HVCN1: variants seen among roughly 807,000 people sequenced by gnomAD.
The protein encoded by HVCN1 is voltage-gated hydrogen channel 1.
Under a neutral mutation model 29.2 loss-of-function variants are expected in HVCN1, and 14 were observed. The ratio of observed to expected loss-of-function variants is 0.48; its 90% confidence interval spans 0.32 to 0.75. The LOEUF (loss-of-function observed/expected upper bound fraction) is 0.75. Ranked by LOEUF, HVCN1 falls within the 30% of genes least tolerant of loss-of-function variation. HVCN1 has a pLI of 0.04. For missense variants in HVCN1, 263 were observed against 341.8 expected (o/e 0.77, Z 1.82); for synonymous variants, 131 against 133.2 (o/e 0.98, Z 0.11).
intron 3 of HVCN1, among the ~76,000 whole-genome samples, chr12:110,680,750 C>T (rs761798860): frequency 6.6e-5 from 10 of 152,076 alleles, no homozygotes; most frequent in Non-Finnish European, 2.9e-5. Context: ...AACCCTGTCT[C>T]TACCAAAACT....
chr12:110,681,720 G>T (rs2068980737), intron 3 of HVCN1, among the ~76,000 whole-genome samples: 1 of 151,968 alleles, frequency 6.6e-6, no homozygotes, highest in African/African-American at 2.4e-5. Context: ...CTCAGACTCT[G>T]CCCCACTCAC....
At chr12:110,653,813 G>A (rs2067896741) in intron 5 of HVCN1, among the ~76,000 whole-genome samples, 1 of 152,196 alleles carries the variant, frequency 6.6e-6, no homozygotes, top group Non-Finnish European at 1.5e-5. Context: ...CTGCACTCCA[G>A]CCTGGGCGAT....
At chr12:110,690,140 T>C (rs1593546292), upstream of HVCN1, among the ~76,000 whole-genome samples, 1 of 152,196 alleles carries the variant, frequency 6.6e-6, no homozygotes, top group African/African-American at 2.4e-5. Context: ...GGCGCCAGGG[T>C]AGTGTGTTCC....
At chr12:110,691,148 C>T (rs1213862234), upstream of HVCN1, among the ~76,000 whole-genome samples, 2 of 151,120 alleles carry the variant, frequency 1.3e-5, no homozygotes, top group East Asian at 2.0e-4. Flanking sequence ...CTGCAAGCTC[C>T]GCCTCCCAGG....
intron 3 of HVCN1, among the ~76,000 whole-genome samples, chr12:110,673,524 G>C (rs1216341939): frequency 6.6e-6 from 1 of 152,166 alleles, no homozygotes; most frequent in Admixed American, 6.5e-5. Context: ...TAATCCCCAA[G>C]ACCTTGGGAA....
intron 3 of HVCN1, among the ~76,000 whole-genome samples, chr12:110,677,403 A>G (rs1184195798): frequency 6.6e-6 from 1 of 151,010 alleles, no homozygotes; most frequent in Non-Finnish European, 1.5e-5. Flanking sequence ...AGAATGTGCA[A>G]CCCCCTTTCA....
At chr12:110,690,890 G>C (rs2069391356), upstream of HVCN1, among the ~76,000 whole-genome samples, 1 of 151,930 alleles carries the variant, frequency 6.6e-6, no homozygotes, top group African/African-American at 2.4e-5. Context: ...GAGTAGCTGG[G>C]ATTACAGGTG....
chr12:110,701,412 A>G (rs973637168), intron 2 of HVCN1, among the ~76,000 whole-genome samples: 1 of 152,194 alleles, frequency 6.6e-6, no homozygotes, highest in African/African-American at 2.4e-5. Context: ...CCCAACTTCC[A>G]AATCAGAATC....
At chr12:110,697,841 G>C (rs1245115475) in intron 2 of HVCN1, among the ~76,000 whole-genome samples, 1 of 151,944 alleles carries the variant, frequency 6.6e-6, no homozygotes, top group Non-Finnish European at 1.5e-5. Context: ...TAGTAGAGAT[G>C]GGGTTTCACC....
At chr12:110,663,830 A>C (rs1192861810) in intron 3 of HVCN1, among the ~76,000 whole-genome samples, 1 of 151,718 alleles carries the variant, frequency 6.6e-6, no homozygotes, top group Non-Finnish European at 1.5e-5. Context: ...GGGATGCCAC[A>C]GTCTCCTGGT....
chr12:110,656,861 G>C (rs1438170782), intron 4 of HVCN1, among the ~76,000 whole-genome samples: 3 of 152,144 alleles, frequency 2.0e-5, no homozygotes, highest in Admixed American at 6.5e-5. Context: ...CTTAATAAAG[G>C]TGCAAGCCTC....
At chr12:110,664,020 C>A (rs2068265340) in intron 3 of HVCN1, among the ~76,000 whole-genome samples, 1 of 152,166 alleles carries the variant, frequency 6.6e-6, no homozygotes, top group Non-Finnish European at 1.5e-5. Context: ...TGTGCTCAAG[C>A]AATTCTCCTG....
intron 6 of HVCN1, 75 bp downstream of exon 6, chr12:110,651,142 A>C: frequency 8.5e-6 from 9 of 1,062,638 alleles, no homozygotes; most frequent in Non-Finnish European, 1.1e-5. Flanking sequence ...ACCCAGAGTG[A>C]CTGCGCAGTC....
rs764873661 is a variant in HVCN1 at position 110,649,442 on chromosome 12, G to A, written c.790C>T (p.Arg264Ter). 5.6e-6 allele frequency: 9 copies of A among 1,607,932 alleles called. No homozygotes were observed. The highest frequency in any genetic ancestry group is 5.0e-5 in the Admixed American group (3 of 59,654). Residue 264 changes from arginine (R) to a stop codon, truncating the protein, a stop_gained, in exon 8 of 8, where the codon CGA becomes TGA. Transcript: ENST00000242607. LOFTEE classifies it high-confidence loss of function. ...QEIERLNKLL[R>*]QHGLLGEVN The stretch of plus-strand genomic sequence containing the variant: ...ACTTCACCAAGAAGTCCATGCTGTC[G>A]CAATAGTTTGTTAAGTCTTTCAATT...
At chr12:110,651,523 C>G in intron 5 of HVCN1, 75 bp from the exon 6 acceptor site, 1 of 917,358 alleles carries the variant, frequency 1.1e-6, no homozygotes, top group East Asian at 2.5e-5. Flanking sequence ...ATGCACCTGC[C>G]TGGTCACCAG....
At chr12:110,653,604 G>A (rs1447714315) in intron 5 of HVCN1, among the ~76,000 whole-genome samples, 1 of 152,180 alleles carries the variant, frequency 6.6e-6, no homozygotes, top group Non-Finnish European at 1.5e-5. Flanking sequence ...CACTTTGGGA[G>A]GCCGAAGTGG....
At position 110,676,614 on chromosome 12, in the gene HVCN1, G is replaced by T. The variant is rs902050231; in HGVS notation, c.21+6611C>A. ...CTCCAATGAAAACTCTGGGCATTGGGTCTCTAAGGAACTGCTCTGCTTGCA... is the reference window on the plus strand; with the variant it reads ...CTCCAATGAAAACTCTGGGCATTGGTTCTCTAAGGAACTGCTCTGCTTGCA... On this transcript the variant is annotated intron_variant, in intron 3 of 7. Transcript: ENST00000242607. The surrounding 1 kb of genome is among the most constrained non-coding windows in gnomAD (Gnocchi z 4.1). Among the ~76,000 whole-genome samples, 1 of 152,114 alleles carries T rather than the reference G, an allele frequency of 6.6e-6. No homozygotes were observed. The highest frequency in any genetic ancestry group is 1.5e-5 in the Non-Finnish European group (1 of 68,038).
At position 110,651,443 on chromosome 12, in the gene HVCN1, G is replaced by A. The variant is rs2067811890; in HGVS notation, c.417C>T (p.Phe139=). The part of the protein sequence containing the change: ...PDKNNYAAMV[F]HYMSITILVF... ...CCAAGATGGTGATGCTCATGTAGTG[G>A]AATACCTGAAGGGGACAAGGAACCA... Residue 139 remains phenylalanine, a synonymous_variant, in exon 6 of 8, where the codon TTC becomes TTT. Coordinates refer to ENST00000242607, the MANE Select transcript of HVCN1 (RefSeq NM_032369.4). 6.2e-7 allele frequency: 1 copy of A among 1,607,242 alleles called. No individual in the cohort carries two copies. Among genetic ancestry groups the A allele is most frequent in the African/African-American group, 1.3e-5 (1 of 74,858 alleles).
intron 5 of HVCN1, among the ~76,000 whole-genome samples, chr12:110,654,353 GGAA>G (rs1047416575): frequency 2.0e-5 from 3 of 152,048 alleles, no homozygotes; most frequent in African/African-American, 7.2e-5. Context: ...AAAGGTATCA[GGAA>G]GAAGGAGGAA....
Sources: allele counts gnomAD v4.1 joint callset (sites outside exome capture counted in the v4.1 genomes callset), GRCh38; gene constraint gnomAD v4.1.1; non-coding constraint Gnocchi (gnomAD v3.1); transcripts MANE v1.5; gene names NCBI Gene and HGNC (gene_info 2026-07-23, HGNC 2026-07-21).